Variants in IDH3B observed in about 807,000 individuals in gnomAD.
IDH3B encodes isocitrate dehydrogenase (NAD(+)) 3 non-catalytic subunit beta.
IDH3B carries 40 observed loss-of-function variants against 47.5 expected under a neutral mutation model. That is an observed-to-expected ratio of 0.84 (90% CI 0.65 to 1.10). The LOEUF is 1.10. IDH3B is among the 50% of genes least tolerant of loss of function. IDH3B has a pLI of 0.00. For synonymous variants in IDH3B, 185 were observed against 191.0 expected, an observed-to-expected ratio of 0.97 and a Z score of 0.26; for missense variants, 450 against 505.2, an observed-to-expected ratio of 0.89 and a Z score of 1.05.
intron 4 of IDH3B, among the ~76,000 whole-genome samples, chr20:2,662,567 G>A (rs916183609): frequency 1.3e-5 from 2 of 151,970 alleles, no homozygotes; most frequent in Non-Finnish European, 2.9e-5. Context: ...GCCTATAATC[G>A]CAGCAGTTTG....
chr20:2,663,919 G>A lies in IDH3B; in HGVS notation c.117+6C>T, dbSNP rs191680997. The A allele has an allele frequency of 1.2e-6, 2 of 1,613,310 alleles. No individual in the cohort carries two copies. The highest frequency in any genetic ancestry group is 8.5e-7 in the Non-Finnish European group (1 of 1,179,332). ...TAAGAGAGACCCCAGCCAGATTCGT[G>A]CATACCTGGCTCCGCGATGCAGCGT... is the stretch of plus-strand genomic sequence containing the variant. On this transcript the variant is annotated splice_donor_region_variant and intron_variant, in intron 2 of 11. Coordinates refer to ENST00000380843, the MANE Select transcript of IDH3B (RefSeq NM_006899.5).
Position 2,660,436 on chromosome 20 carries a change from A to G in IDH3B, c.665+21T>C. On this transcript the variant is annotated intron_variant, in intron 7 of 11. Transcript: ENST00000380843. The surrounding 1 kb of genome is among the most constrained non-coding windows in gnomAD (Gnocchi z 5.6). The stretch of plus-strand genomic sequence containing the variant: ...GGCTACCTTCCCAGGAACCCATCCT[A>G]CACAAAGCCATGCCCCTCACATGAT... The G allele has an allele frequency of 6.2e-7, 1 of 1,614,058 alleles. No homozygotes were observed. Among genetic ancestry groups the G allele is most frequent in the Non-Finnish European group, 8.5e-7 (1 of 1,179,990 alleles).
intron 11 of IDH3B, chr20:2,659,146 G>C: frequency 7.8e-7 from 1 of 1,274,156 alleles, no homozygotes; most frequent in Non-Finnish European, 9.7e-7. Flanking sequence ...CAGGTGGAAG[G>C]AAAGAATCAC....
chr20:2,661,803 A>G (rs1362256514), intron 4 of IDH3B, among the ~76,000 whole-genome samples: 3 of 152,252 alleles, frequency 2.0e-5, no homozygotes, highest in Non-Finnish European at 4.4e-5. Flanking sequence ...CCTCTCCAGT[A>G]ATATCAGGAT....
chr20:2,662,968 AAC>A (rs1222215782), intron 4 of IDH3B, among the ~76,000 whole-genome samples: 2 of 148,740 alleles, frequency 1.3e-5, no homozygotes, highest in African/African-American at 5.0e-5. Flanking sequence ...AAACAAAACA[AAC>A]ACAAAAATTA....
In IDH3B at chr20:2,658,652, A is replaced by G. The variant is rs2086867668; in HGVS notation, c.*99T>C. On this transcript the variant is annotated 3_prime_UTR_variant, in exon 12 of 12. Coordinates refer to ENST00000380843, the MANE Select transcript of IDH3B (RefSeq NM_006899.5). ...CTAGGCTCTACCCAGCAAGGTGACCATGGTCCACTGCTTAGAGGCACAAGG... is the reference window on the plus strand; with the variant it reads ...CTAGGCTCTACCCAGCAAGGTGACCGTGGTCCACTGCTTAGAGGCACAAGG... 3.1e-6 allele frequency: 5 copies of G among 1,613,948 alleles called. No individual in the cohort carries two copies. The highest frequency in any genetic ancestry group is 1.1e-5 in the South Asian group (1 of 91,046).
intron 11 of IDH3B, 159 bp downstream of exon 11, chr20:2,659,366 G>C: frequency 5.5e-5 from 86 of 1,561,330 alleles, no homozygotes; most frequent in Middle Eastern, 2.1e-4. Context: ...GGGAGATGAA[G>C]AACAGCCCTG....
chr20:2,661,478 TATTTA>T (rs1414566833), intron 4 of IDH3B, among the ~76,000 whole-genome samples: 4 of 152,218 alleles, frequency 2.6e-5, no homozygotes, highest in African/African-American at 9.6e-5. Flanking sequence ...TTAGTCAACA[TATTTA>T]ATTTATGTTG....
chr20:2,658,760 T>C lies in IDH3B; in HGVS notation c.1149A>G (p.Lys383=). 6.2e-7 allele frequency: 1 copy of C among 1,614,224 alleles called. No homozygotes were observed. Among genetic ancestry groups the C allele is most frequent in the Non-Finnish European group, 8.5e-7 (1 of 1,180,024 alleles). ...IKSVIGHLQT[K]GS is the part of the protein sequence containing the mutation. The stretch of plus-strand genomic sequence containing the variant: ...GAAGAAATAAAGGGCTCTAGCTCCC[T>C]TTAGTCTGCAGGTGACCGATGACAG... The change falls in exon 12 of 12, where the codon AAA becomes AAG. Residue 383 remains lysine (K), a synonymous_variant. Transcript: ENST00000380843.
In IDH3B at chr20:2,659,124, T is replaced by TA. The variant is rs1163993947; in HGVS notation, c.1072-288dup. 5.0e-6 allele frequency: 6 copies of TA among 1,200,378 alleles called. No homozygotes were observed. In the East Asian group the frequency reaches 1.1e-4, roughly 22 times the overall value. 74.4% of individuals were successfully genotyped at this position (1,200,378 alleles called of 1,614,324 possible). On this transcript the variant is annotated intron_variant, in intron 11 of 11. Coordinates refer to ENST00000380843, the MANE Select transcript of IDH3B (RefSeq NM_006899.5). ...ATGTGGCTACCTTCCTTGGAAGAAATAGAGACAAGACCAGGTGGAAGGAAA... is the reference window on the plus strand; with the variant it reads ...ATGTGGCTACCTTCCTTGGAAGAAATAAGAGACAAGACCAGGTGGAAGGAAA...
chr20:2,659,990 T>C (rs2086910830), intron 9 of IDH3B, 40 bp downstream of exon 9: 3 of 1,613,458 alleles, frequency 1.9e-6, no homozygotes, highest in Middle Eastern at 1.6e-4. Context: ...AATGGCGGAC[T>C]TGAGGTCAGA....
Position 2,660,738 on chromosome 20 carries a change from G to C in IDH3B, c.490C>G (p.Arg164Gly). The change falls in exon 6 of 12, where the codon CGA becomes GGA. Residue 164 changes from arginine to glycine, a missense_variant. Transcript: ENST00000380843. This position sits in a 1 kb window ranked among gnomAD's most constrained non-coding sequence, Gnocchi z 5.6. ...CTGTACTCCCCTTCTGTCTGCTCTCGAATGATCACCAGGTCTAGATTGTTG... is the reference window on the plus strand; with the variant it reads ...CTGTACTCCCCTTCTGTCTGCTCTCCAATGATCACCAGGTCTAGATTGTTG... ...RHNNLDLVII[R>G]EQTEGEYSSL... 1 of 1,614,108 alleles carries C rather than the reference G, an allele frequency of 6.2e-7. No homozygotes were observed. Among genetic ancestry groups the C allele is most frequent in the Non-Finnish European group, 8.5e-7 (1 of 1,180,030 alleles).
In IDH3B at chr20:2,660,873, C is replaced by A; in HGVS notation, c.398+36G>T. ...ATCAGCTCTGCTCCTGGTGCCCTGG[C>A]ACCTCTCAACCATTCACCCCACCCA... On this transcript the variant is annotated intron_variant, in intron 5 of 11. Transcript: ENST00000380843. The surrounding 1 kb of genome is among the most constrained non-coding windows in gnomAD (Gnocchi z 5.6). 4 of 1,614,198 alleles carry A rather than the reference C, an allele frequency of 2.5e-6. No homozygotes were observed. Among genetic ancestry groups the A allele is most frequent in the Non-Finnish European group, 2.5e-6 (3 of 1,180,024 alleles).
Position 2,658,484 on chromosome 20 carries a change from A to C in IDH3B, c.*267T>G, listed in dbSNP as rs1479909633. On this transcript the variant is annotated 3_prime_UTR_variant, in exon 12 of 12. Coordinates refer to ENST00000380843, the MANE Select transcript of IDH3B (RefSeq NM_006899.5). ...CAGCAATGACAGCCTCAGTGAAGTC[A>C]TGGCAAGTAGCATAGCCACCCATGT... 1.2e-6 allele frequency: 2 copies of C among 1,613,962 alleles called. No individual in the cohort carries two copies. The highest frequency in any genetic ancestry group is 1.7e-6 in the Non-Finnish European group (2 of 1,180,034).
chr20:2,659,914 G>A, intron 9 of IDH3B, 116 bp downstream of exon 9: 2 of 1,474,872 alleles, frequency 1.4e-6, no homozygotes, highest in African/African-American at 1.4e-5. Context: ...AAGAGGCATG[G>A]TGGGCAGCGT....
intron 11 of IDH3B, 98 bp from the exon 12 acceptor site, chr20:2,658,935 G>GT (rs1568546490): frequency 6.4e-7 from 1 of 1,570,228 alleles, no homozygotes; most frequent in African/African-American, 1.4e-5. Context: ...CCAAGAATGC[G>GT]TGACAGCCAG....
Position 2,658,527 on chromosome 20 carries a change from G to C in IDH3B, c.*224C>G, listed in dbSNP as rs375766433. ...ACCCATGTCAGAGGTTCGAACCTGT[G>C]GGGGAGAATCATCATCATCCATGTG... On this transcript the variant is annotated 3_prime_UTR_variant, in exon 12 of 12. Coordinates refer to ENST00000380843, the MANE Select transcript of IDH3B (RefSeq NM_006899.5). 5 of 1,613,820 alleles carry C rather than the reference G, an allele frequency of 3.1e-6. No individual in the cohort carries two copies. Among genetic ancestry groups the C allele is most frequent in the Non-Finnish European group, 4.2e-6 (5 of 1,179,894 alleles).
At chr20:2,664,028 T>G (rs752982239) in intron 1 of IDH3B, 23 bp from the exon 2 acceptor site, 15 of 1,613,812 alleles carry the variant, frequency 9.3e-6, no homozygotes, top group Non-Finnish European at 1.7e-6. Context: ...CACACAAGCC[T>G]GTAAGGTCAG....
In IDH3B at chr20:2,658,846, A is replaced by C; in HGVS notation, c.1072-9T>G. 1 of 1,614,100 alleles carries C rather than the reference A, an allele frequency of 6.2e-7. No homozygotes were observed. Among genetic ancestry groups the C allele is most frequent in the Admixed American group, 1.7e-5 (1 of 60,032 alleles). The stretch of plus-strand genomic sequence containing the variant: ...ATGTCTCGAGTCCGCACCTACAGCC[A>C]CCACCGGCAACAGCCGTGGGGAGGG... On this transcript the variant is annotated splice_polypyrimidine_tract_variant and intron_variant, in intron 11 of 11. Coordinates refer to ENST00000380843, the MANE Select transcript of IDH3B (RefSeq NM_006899.5).
Sources: allele counts gnomAD v4.1 joint callset (sites outside exome capture counted in the v4.1 genomes callset), GRCh38; gene constraint gnomAD v4.1.1; non-coding constraint Gnocchi (gnomAD v3.1); transcripts MANE v1.5; gene names NCBI Gene and HGNC (gene_info 2026-07-23, HGNC 2026-07-21).